The following HIVEP3 variants were observed in gnomAD, a reference collection of about 807,000 sequenced individuals.
HIVEP3 encodes transcription factor HIVEP3.
HIVEP3 carries 49 observed loss-of-function variants against 152.8 expected under a neutral mutation model. That is an observed-to-expected ratio of 0.32 (90% CI 0.26 to 0.41). HIVEP3 has a LOEUF of 0.41. Ranked by LOEUF, HIVEP3 falls within the 10% of genes least tolerant of loss-of-function variation. The pLI is 1.00. For missense variants in HIVEP3, 2,790 were observed against 3,103.3 expected (o/e 0.90, Z 2.40); for synonymous variants, 1,269 against 1,289.0 (o/e 0.98, Z 0.33).
At chr1:41,753,709 A>AT (rs5773749) in intron 1 of HIVEP3, among the ~76,000 whole-genome samples, 19 of 151,674 alleles carry the variant, frequency 1.3e-4, no homozygotes, top group Non-Finnish European at 2.2e-4. Flanking sequence ...AAATAAATAA[A>AT]AATAGAAAAC....
intron 1 of HIVEP3, among the ~76,000 whole-genome samples, chr1:41,959,748 G>A (rs1444761638): frequency 2.0e-5 from 3 of 152,166 alleles, no homozygotes; most frequent in African/African-American, 7.2e-5. Context: ...TGTCCCTTGT[G>A]GAATTTGCAC....
At chr1:41,734,134 C>A (rs896434253) in intron 1 of HIVEP3, among the ~76,000 whole-genome samples, 12 of 152,150 alleles carry the variant, frequency 7.9e-5, no homozygotes, top group African/African-American at 2.9e-4. Flanking sequence ...GAGGCTGCAC[C>A]CACCAGGCCT....
rs975097765 is a variant in HIVEP3 at position 41,581,662 on chromosome 1, C to T, written c.3136G>A (p.Val1046Met). 3.7e-6 allele frequency: 6 copies of T among 1,614,178 alleles called. No individual in the cohort carries two copies. Among genetic ancestry groups the T allele is most frequent in the Non-Finnish European group, 5.1e-6 (6 of 1,180,018 alleles). Residue 1046 changes from valine (V) to methionine (M), a missense_variant, in exon 4 of 9, where the codon GTG (valine) becomes ATG (methionine). Coordinates refer to ENST00000372583, the MANE Select transcript of HIVEP3 (RefSeq NM_024503.5). This position sits in a 1 kb window ranked among gnomAD's most constrained non-coding sequence, Gnocchi z 4.5. ...GGCCTGCTCAGAGAGGCCTGTCTCA[C>T]CAAGAAGCATTTTCTTCTCTCTGGC... The part of the protein sequence containing the change: ...APPERRKCFL[V>M]RQASLSRPPE...
At chr1:41,544,731 G>GCTACCATCACCACCTCTACCACCACCA (rs1643639202) in intron 5 of HIVEP3, among the ~76,000 whole-genome samples, 2 of 71,122 alleles carry the variant, frequency 2.8e-5, no homozygotes, top group African/African-American at 1.1e-4. Context: ...TACCACCACC[G>GCTACCATCACCACCTCTACCACCACCA]CTACCATCAC....
At chr1:41,912,592 T>G (rs1223530425) in intron 1 of HIVEP3, among the ~76,000 whole-genome samples, 4 of 152,206 alleles carry the variant, frequency 2.6e-5, no homozygotes, top group African/African-American at 9.6e-5. Flanking sequence ...CAGGGCACAT[T>G]ATGCTCTGGC....
Position 41,650,269 on chromosome 1 carries a change from C to T in HIVEP3, c.-720-21322G>A, listed in dbSNP as rs543386209. 5.9e-5 allele frequency among the ~76,000 whole-genome samples: 9 copies of T among 152,234 alleles called. No homozygotes were observed. The South Asian group carries it at 6.2e-4, about 11-fold the overall frequency. On this transcript the variant is annotated intron_variant, in intron 2 of 8. Transcript: ENST00000372583. ...ACTGGCGGCCCCACAAGGGCAGACA[C>T]GTGGGCGGTGACAGAGCAGTGGCAT...
chr1:41,907,429 C>G (rs1263718411), intron 1 of HIVEP3, among the ~76,000 whole-genome samples: 1 of 152,206 alleles, frequency 6.6e-6, no homozygotes, highest in Admixed American at 6.5e-5. Context: ...CCTTCACCAA[C>G]CAGTGCCCAC....
chr1:41,678,298 C>T (rs1241912659), intron 2 of HIVEP3, among the ~76,000 whole-genome samples: 3 of 152,156 alleles, frequency 2.0e-5, no homozygotes, highest in South Asian at 2.1e-4. Flanking sequence ...AGCCTGATTG[C>T]GACAATGCAT....
intron 1 of HIVEP3, among the ~76,000 whole-genome samples, chr1:41,702,169 G>A (rs558364939): frequency 2.0e-5 from 3 of 152,070 alleles, no homozygotes; most frequent in East Asian, 1.9e-4. Context: ...CAACAAATGG[G>A]CACCCGAGGA....
intron 1 of HIVEP3, among the ~76,000 whole-genome samples, chr1:41,936,335 T>TC (rs1645020340): frequency 6.6e-6 from 1 of 152,098 alleles, no homozygotes; most frequent in South Asian, 2.1e-4. Context: ...AGGCAACTGA[T>TC]CCAGGGGCTT....
rs1569984382 is a variant in HIVEP3, at chr1:41,580,086, A to G, written c.4712T>C (p.Leu1571Pro). 2 of 1,614,240 alleles carry G rather than the reference A, an allele frequency of 1.2e-6. No individual in the cohort carries two copies. Among genetic ancestry groups the G allele is most frequent in the Non-Finnish European group, 1.7e-6 (2 of 1,180,048 alleles). Residue 1571 changes from leucine to proline, a missense_variant, in exon 4 of 9, where the codon CTG (leucine) becomes CCG (proline). Physicochemically the swap from Leu to Pro is moderately conservative, Grantham distance 98. Around this residue, in one of 9 missense-constraint regions of HIVEP3, gnomAD observed 1,078 missense variants for 1,165.3 expected, o/e 0.93. Coordinates refer to ENST00000372583, the MANE Select transcript of HIVEP3 (RefSeq NM_024503.5). The part of the protein sequence containing the change: ...DLPSLAPPSS[L>P]PLSETSSRPA... ...TCTGGAGGACGTTTCTGACAGAGGC[A>G]GAGAGCTCGGAGGTGCCAAGGAGGG...
intron 1 of HIVEP3, among the ~76,000 whole-genome samples, chr1:41,965,172 G>C (rs887152758): frequency 9.2e-5 from 14 of 152,170 alleles, no homozygotes; most frequent in Non-Finnish European, 1.8e-4. Flanking sequence ...CCCTATGGAA[G>C]AAAGTCCTGA....
At chr1:41,710,312 G>A (rs1276630453) in intron 1 of HIVEP3, among the ~76,000 whole-genome samples, 1 of 152,148 alleles carries the variant, frequency 6.6e-6, no homozygotes, top group Non-Finnish European at 1.5e-5. Flanking sequence ...TGACCAAAAG[G>A]AAAACAGAAG....
chr1:41,963,539 G>A (rs1008155337), intron 1 of HIVEP3, among the ~76,000 whole-genome samples: 2 of 151,384 alleles, frequency 1.3e-5, no homozygotes, highest in Admixed American at 6.6e-5. Context: ...GAGCGGCGAG[G>A]GGGGAGGGAA....
intron 3 of HIVEP3, among the ~76,000 whole-genome samples, chr1:41,611,414 C>A (rs1326233029): frequency 1.3e-5 from 2 of 152,182 alleles, no homozygotes; most frequent in African/African-American, 2.4e-5. Flanking sequence ...GGGGACAGAG[C>A]GCCATGTGCC....
At chr1:41,970,763 C>CA (rs1052054236) in intron 1 of HIVEP3, among the ~76,000 whole-genome samples, 4 of 151,486 alleles carry the variant, frequency 2.6e-5, no homozygotes, top group African/African-American at 7.3e-5. Context: ...GATGTCTTTA[C>CA]AAAAAAAAGT....
At chr1:41,602,702 T>C (rs1644765270) in intron 3 of HIVEP3, among the ~76,000 whole-genome samples, 1 of 152,090 alleles carries the variant, frequency 6.6e-6, no homozygotes, top group African/African-American at 2.4e-5. Context: ...CATTGATTTT[T>C]TTCCTATTGT....
At chr1:41,987,904 C>T (rs752713804) in intron 1 of HIVEP3, among the ~76,000 whole-genome samples, 4 of 152,060 alleles carry the variant, frequency 2.6e-5, no homozygotes, top group Non-Finnish European at 4.4e-5. Flanking sequence ...TCACACTTAT[C>T]AAACAACCAG....
chr1:41,802,813 T>C (rs1650384601), intron 1 of HIVEP3, among the ~76,000 whole-genome samples: 1 of 152,252 alleles, frequency 6.6e-6, no homozygotes, highest in South Asian at 2.1e-4. Flanking sequence ...GATGGTTCTT[T>C]CTTCCCAGTC....
Sources: gnomAD v4.1 joint callset for allele counts (sites outside exome capture counted in the v4.1 genomes callset) on GRCh38, gnomAD v4.1.1 for gene constraint, gnomAD v4.1.1 regional missense constraint, Gnocchi (gnomAD v3.1) non-coding constraint, MANE v1.5 for transcripts, NCBI Gene and HGNC (gene_info 2026-07-23, HGNC 2026-07-21) for gene names.